Variants in SLC35F4 observed in about 807,000 individuals in gnomAD.
The protein encoded by SLC35F4 is solute carrier family 35 member F4.
A neutral mutation model predicts 44.2 loss-of-function variants in SLC35F4; 24 were observed. The observed-to-expected ratio is 0.54, with a 90% confidence interval of 0.39 to 0.76. The LOEUF is 0.76. SLC35F4 is among the 30% of genes least tolerant of loss of function. The pLI is 0.00. For missense variants in SLC35F4, 562 were observed against 586.1 expected (o/e 0.96, Z 0.42); for synonymous variants, 238 against 223.6 (o/e 1.06, Z -0.57).
intron 1 of SLC35F4, among the ~76,000 whole-genome samples, chr14:57,948,025 C>T (rs909050997): frequency 6.6e-6 from 1 of 151,932 alleles, no homozygotes; most frequent in Admixed American, 6.6e-5. Flanking sequence ...GGCATTAGGG[C>T]GATACTGGCT....
At chr14:57,773,689 A>G (rs901885686) in intron 1 of SLC35F4, among the ~76,000 whole-genome samples, 2 of 152,200 alleles carry the variant, frequency 1.3e-5, no homozygotes, top group Non-Finnish European at 2.9e-5. Context: ...CAATTGTTTA[A>G]CATGACCTGA....
At chr14:57,936,790 G>A (rs148124574) in intron 1 of SLC35F4, among the ~76,000 whole-genome samples, 104 of 151,588 alleles carry the variant, frequency 6.9e-4, no homozygotes, top group African/African-American at 2.5e-3. Flanking sequence ...ATAAGTATTC[G>A]GTTGAGCCTT....
intron 1 of SLC35F4, among the ~76,000 whole-genome samples, chr14:57,726,602 TG>T (rs1182170390): frequency 6.6e-6 from 1 of 152,238 alleles, no homozygotes; most frequent in Non-Finnish European, 1.5e-5. Context: ...GTGATTAGTG[TG>T]TTCATGGTTG....
In SLC35F4 at chr14:57,843,011, A is replaced by G. The variant is rs149053074; in HGVS notation, c.103+22712T>C. On this transcript the variant is annotated intron_variant, in intron 1 of 7. Coordinates refer to ENST00000556826, the MANE Select transcript of SLC35F4 (RefSeq NM_001306087.2). The stretch of plus-strand genomic sequence containing the variant: ...TCCTGCCCTCGAACATCAGTCTCCA[A>G]TTTCTTCAGTTTTGGACTCTTGGAC... Among the ~76,000 whole-genome samples the G allele has an allele frequency of 3.3e-3, 505 of 152,124 alleles. 4 individuals are homozygous for G. The highest frequency in any genetic ancestry group is 9.9e-3 in the African/African-American group (411 of 41,482).
chr14:57,683,062 T>C (rs917033730), intron 1 of SLC35F4, among the ~76,000 whole-genome samples: 5 of 147,662 alleles, frequency 3.4e-5, no homozygotes, highest in African/African-American at 1.3e-4. Context: ...AAAATTAATC[T>C]CAAGTATTTT....
At chr14:57,712,850 A>T (rs143088007) in intron 1 of SLC35F4, among the ~76,000 whole-genome samples, 8 of 152,332 alleles carry the variant, frequency 5.3e-5, no homozygotes, top group African/African-American at 1.4e-4. Context: ...AACAATTTTA[A>T]AGATGTATCT....
chr14:57,704,969 A>G (rs533940827), intron 1 of SLC35F4, among the ~76,000 whole-genome samples: 1 of 152,320 alleles, frequency 6.6e-6, no homozygotes, highest in African/African-American at 2.4e-5. Flanking sequence ...TGGACAGCAG[A>G]GGCTGCTTAC....
intron 1 of SLC35F4, among the ~76,000 whole-genome samples, chr14:57,808,742 G>T (rs919304329): frequency 6.6e-6 from 1 of 152,172 alleles, no homozygotes; most frequent in African/African-American, 2.4e-5. Context: ...GGAGGTCAAG[G>T]CTGCAGTGAG....
At chr14:57,787,899 G>A (rs2140784661) in intron 1 of SLC35F4, among the ~76,000 whole-genome samples, 1 of 152,286 alleles carries the variant, frequency 6.6e-6, no homozygotes, top group South Asian at 2.1e-4. Flanking sequence ...AGAGCTGGAT[G>A]AATGTGATGG....
intron 1 of SLC35F4, among the ~76,000 whole-genome samples, chr14:57,838,719 T>C (rs536998189): frequency 6.6e-6 from 1 of 152,238 alleles, no homozygotes; most frequent in African/African-American, 2.4e-5. Context: ...AGTACCAACA[T>C]AAATGCAACT....
At chr14:57,568,616 C>T (rs2068323958) in intron 6 of SLC35F4, among the ~76,000 whole-genome samples, 1 of 152,110 alleles carries the variant, frequency 6.6e-6, no homozygotes, top group African/African-American at 2.4e-5. Flanking sequence ...CTGTCGAAGA[C>T]CTCCCTGAGT....
At chr14:57,922,369 T>G (rs117857473) in intron 1 of SLC35F4, among the ~76,000 whole-genome samples, 1 of 152,116 alleles carries the variant, frequency 6.6e-6, no homozygotes, top group Non-Finnish European at 1.5e-5. Flanking sequence ...CATTAACCAA[T>G]TATAGAACTC....
At chr14:57,859,673 G>A (rs758057540) in intron 1 of SLC35F4, among the ~76,000 whole-genome samples, 15 of 152,206 alleles carry the variant, frequency 9.9e-5, no homozygotes, top group African/African-American at 1.2e-4. Context: ...TTTAAGGTGC[G>A]TATGCTGGAT....
At chr14:57,956,847 T>G (rs1048710169) in intron 1 of SLC35F4, among the ~76,000 whole-genome samples, 1 of 152,198 alleles carries the variant, frequency 6.6e-6, no homozygotes, top group Non-Finnish European at 1.5e-5. Context: ...TTGGTGGGAA[T>G]GTAAATTAGT....
At chr14:57,776,574 G>C (rs555141364) in intron 1 of SLC35F4, among the ~76,000 whole-genome samples, 1 of 146,560 alleles carries the variant, frequency 6.8e-6, no homozygotes, top group East Asian at 2.2e-4. Context: ...GCTGAGGTCA[G>C]AGAATCGCTT....
At chr14:57,654,600 T>C (rs975619878) in intron 1 of SLC35F4, among the ~76,000 whole-genome samples, 1 of 152,210 alleles carries the variant, frequency 6.6e-6, no homozygotes, top group African/African-American at 2.4e-5. Flanking sequence ...TTCCTCTGGG[T>C]AGATACCCAT....
chr14:57,774,247 C>G (rs953875486), intron 1 of SLC35F4, among the ~76,000 whole-genome samples: 1 of 152,142 alleles, frequency 6.6e-6, no homozygotes, highest in African/African-American at 2.4e-5. Context: ...TACCACACCC[C>G]AGGACTTGTT....
At chr14:57,956,589 T>C (rs1410720216) in intron 1 of SLC35F4, among the ~76,000 whole-genome samples, 1 of 151,638 alleles carries the variant, frequency 6.6e-6, no homozygotes, top group African/African-American at 2.4e-5. Context: ...TAAACAAATT[T>C]ACAAGAAAAA....
intron 1 of SLC35F4, among the ~76,000 whole-genome samples, chr14:57,759,441 A>C (rs538543566): frequency 1.3e-5 from 2 of 152,232 alleles, no homozygotes; most frequent in African/African-American, 4.8e-5. Context: ...TTAGCTAGGC[A>C]TAGTGGTGCA....
Sources: gnomAD v4.1 joint callset for allele counts (sites outside exome capture counted in the v4.1 genomes callset) on GRCh38, gnomAD v4.1.1 for gene constraint, MANE v1.5 for transcripts, NCBI Gene and HGNC (gene_info 2026-07-23, HGNC 2026-07-21) for gene names.